Variants in DYNLL1 observed in about 807,000 individuals in gnomAD.
The protein encoded by DYNLL1 is dynein light chain LC8-type 1.
A neutral mutation model predicts 10.1 loss-of-function variants in DYNLL1; 3 were observed. That is an observed-to-expected ratio of 0.30 (90% CI 0.14 to 0.77). DYNLL1 has a LOEUF of 0.77. Ranked by LOEUF, DYNLL1 falls within the 30% of genes least tolerant of loss-of-function variation. The pLI is 0.66. For synonymous variants in DYNLL1, 46 were observed against 41.2 expected, an observed-to-expected ratio of 1.12 and a Z score of -0.45; for missense variants, 47 against 111.7, an observed-to-expected ratio of 0.42 and a Z score of 2.61.
chr12:120,475,589 G>A lies in DYNLL1; in HGVS notation c.-7+5485G>A, dbSNP rs146480421. ...AAAACATTCTATATTTGAGTTCTAT[G>A]TGGTAGCCATTGGTTACATGTAGCT... is the stretch of plus-strand genomic sequence containing the variant. On this transcript the variant is annotated intron_variant, in intron 1 of 2. Coordinates refer to the DYNLL1 transcript ENST00000392509. Among the ~76,000 whole-genome samples, 25 of 152,340 alleles carry A rather than the reference G, an allele frequency of 1.6e-4. No individual in the cohort carries two copies. The Middle Eastern group carries it at 0.01, about 62-fold the overall frequency.
intron 1 of DYNLL1, among the ~76,000 whole-genome samples, chr12:120,471,309 G>T (rs1187888856): frequency 1.3e-5 from 2 of 151,850 alleles, no homozygotes; most frequent in African/African-American, 4.8e-5. Flanking sequence ...GGAGGCAGAG[G>T]TTGCAGTGAG....
At chr12:120,476,645 C>T (rs943540325) in intron 1 of DYNLL1, among the ~76,000 whole-genome samples, 1 of 152,146 alleles carries the variant, frequency 6.6e-6, no homozygotes, top group East Asian at 1.9e-4. Flanking sequence ...GAGTTTCGCT[C>T]TTGTCACCCA....
intron 1 of DYNLL1, among the ~76,000 whole-genome samples, chr12:120,474,073 GGAA>G (rs1051099327): frequency 1.3e-5 from 2 of 151,954 alleles, no homozygotes; most frequent in African/African-American, 4.8e-5. Flanking sequence ...GTTCAAGCAG[GGAA>G]GAAGAGAGAA....
intron 1 of DYNLL1, among the ~76,000 whole-genome samples, chr12:120,476,686 A>G (rs1878759902): frequency 6.6e-6 from 1 of 152,092 alleles, no homozygotes; most frequent in Non-Finnish European, 1.5e-5. Context: ...ATCTCGGCTC[A>G]CTGCAACCTC....
chr12:120,476,786 T>C (rs1878762639), intron 1 of DYNLL1, among the ~76,000 whole-genome samples: 1 of 151,840 alleles, frequency 6.6e-6, no homozygotes, highest in Admixed American at 6.6e-5. Context: ...TAATTCTGTA[T>C]TTTTTAGTAG....
At chr12:120,473,587 T>C (rs1189114962) in intron 1 of DYNLL1, among the ~76,000 whole-genome samples, 2 of 150,468 alleles carry the variant, frequency 1.3e-5, no homozygotes, top group Non-Finnish European at 3.0e-5. Context: ...CCCAGCTACT[T>C]TGGAGGCTGA....
chr12:120,477,764 G>C (rs1359062677), intron 1 of DYNLL1, among the ~76,000 whole-genome samples: 3 of 151,866 alleles, frequency 2.0e-5, no homozygotes, highest in African/African-American at 4.8e-5. Context: ...GACAGAGCAA[G>C]ACCCCGTCTC....
At chr12:120,472,290 G>C (rs192354638) in intron 1 of DYNLL1, among the ~76,000 whole-genome samples, 1 of 152,174 alleles carries the variant, frequency 6.6e-6, no homozygotes, top group Admixed American at 6.5e-5. Flanking sequence ...ATTGTAATTA[G>C]CATGCACTAC....
At chr12:120,472,805 TTAGA>T (rs1309108836) in intron 1 of DYNLL1, among the ~76,000 whole-genome samples, 5 of 152,172 alleles carry the variant, frequency 3.3e-5, no homozygotes, top group African/African-American at 1.2e-4. Flanking sequence ...GCTTCTTGGA[TTAGA>T]TAGAGCACAG....
At chr12:120,477,904 C>G (rs147095028) in intron 1 of DYNLL1, among the ~76,000 whole-genome samples, 3,827 of 151,820 alleles carry the variant, frequency 0.025, 164 homozygotes, top group African/African-American at 0.087. Flanking sequence ...TCAAGTGATT[C>G]TCCTGCCTCA....
chr12:120,497,842 C>T (rs1049862446), intron 2 of DYNLL1: 1 of 531,708 alleles, frequency 1.9e-6, no homozygotes, highest in East Asian at 3.2e-5. Flanking sequence ...TAGGGCTGAC[C>T]TTTCGTCCTT....
At chr12:120,492,333 C>G (rs1306207523), upstream of DYNLL1, among the ~76,000 whole-genome samples, 1 of 152,134 alleles carries the variant, frequency 6.6e-6, no homozygotes. This position sits in a 1 kb window ranked among gnomAD's most constrained non-coding sequence, Gnocchi z 4.1. Flanking sequence ...CAGGAACCTA[C>G]GAGGTGGGTG....
At chr12:120,494,589 T>G (rs1220415025), upstream of DYNLL1, among the ~76,000 whole-genome samples, 5 of 152,188 alleles carry the variant, frequency 3.3e-5, no homozygotes, top group East Asian at 9.6e-4. Context: ...TCCCATCTTT[T>G]TCTTTCTGGA....
chr12:120,497,424 G>C (rs918182792), intron 2 of DYNLL1: 1 of 152,584 alleles, frequency 6.6e-6, no homozygotes, highest in Non-Finnish European at 1.5e-5. Flanking sequence ...GCATCATCCG[G>C]ATAGATGTGA....
chr12:120,492,190 G>A (rs1450431556), upstream of DYNLL1: 3 of 152,174 alleles, frequency 2.0e-5, no homozygotes, highest in African/African-American at 7.2e-5. This position sits in a 1 kb window ranked among gnomAD's most constrained non-coding sequence, Gnocchi z 4.1. Flanking sequence ...CTAAATGTCT[G>A]GTACATGGTA....
chr12:120,472,676 G>C (rs1270144562), intron 1 of DYNLL1, among the ~76,000 whole-genome samples: 2 of 152,188 alleles, frequency 1.3e-5, no homozygotes, highest in African/African-American at 2.4e-5. Context: ...TAGGACTGTA[G>C]GTGGAAAACT....
At position 120,477,148 on chromosome 12, in the gene DYNLL1, C is replaced by T. The variant is rs562311011; in HGVS notation, c.-7+7044C>T. 5.9e-5 allele frequency among the ~76,000 whole-genome samples: 9 copies of T among 152,176 alleles called. No individual in the cohort carries two copies. In the East Asian group the frequency reaches 9.7e-4, roughly 16 times the overall value. ...TTCACCATGTTGGCCAGGCTGGTCTCGAACTCCTGACCTCAAGTGATCCAC... is the reference window on the plus strand; with the variant it reads ...TTCACCATGTTGGCCAGGCTGGTCTTGAACTCCTGACCTCAAGTGATCCAC... On this transcript the variant is annotated intron_variant, in intron 1 of 2. Transcript: ENST00000392509.
At chr12:120,470,537 G>A (rs568767918) in intron 1 of DYNLL1, among the ~76,000 whole-genome samples, 2 of 152,252 alleles carry the variant, frequency 1.3e-5, no homozygotes, top group South Asian at 2.1e-4. Flanking sequence ...CGCGAACACG[G>A]CTCACTGCAG....
chr12:120,477,586 C>CA (rs946758977), intron 1 of DYNLL1, among the ~76,000 whole-genome samples: 20 of 150,728 alleles, frequency 1.3e-4, no homozygotes, highest in African/African-American at 3.9e-4. Flanking sequence ...CCCGTCTCTA[C>CA]AAAAAAAATA....
Sources: allele counts gnomAD v4.1 joint callset (sites outside exome capture counted in the v4.1 genomes callset), GRCh38; gene constraint gnomAD v4.1.1; non-coding constraint Gnocchi (gnomAD v3.1); transcripts MANE v1.5; gene names NCBI Gene and HGNC (gene_info 2026-07-23, HGNC 2026-07-21).